The following CRTAP variants were observed in gnomAD, a reference collection of about 807,000 sequenced individuals.
CRTAP encodes the protein cartilage associated protein.
CRTAP carries 33 observed loss-of-function variants against 42.7 expected under a neutral mutation model. The observed-to-expected ratio is 0.77, with a 90% CI of 0.59 to 1.03. CRTAP has a LOEUF of 1.03. CRTAP is among the 50% of genes least tolerant of loss of function. CRTAP has a pLI of 0.00. For missense variants in CRTAP, 613 were observed against 533.9 expected (o/e 1.15, Z -1.46); for synonymous variants, 243 against 217.7 (o/e 1.12, Z -1.02).
In CRTAP at chr3:33,143,965, A is replaced by G. The variant is rs1255052732; in HGVS notation, c.*1517A>G. 1 of 152,284 alleles carries G rather than the reference A, an allele frequency of 6.6e-6. No individual in the cohort carries two copies. Among genetic ancestry groups the G allele is most frequent in the Non-Finnish European group, 1.5e-5 (1 of 68,138 alleles). 9.4% of individuals were successfully genotyped at this position (152,284 alleles called of 1,614,324 possible). A position where few individuals can be genotyped will look rare whatever the true frequency, so the allele number is the denominator to read the frequency against. On this transcript the variant is annotated 3_prime_UTR_variant, in exon 7 of 7. Transcript: ENST00000320954. Reference sequence around the variant, plus strand: ...GCTTCTGCTAAGTGAGATGGGAACCACTGGAGGGTTTGAACAGAGGAGTGC... The same window carrying G: ...GCTTCTGCTAAGTGAGATGGGAACCGCTGGAGGGTTTGAACAGAGGAGTGC...
At chr3:33,122,915 C>T (rs190094740) in intron 2 of CRTAP, among the ~76,000 whole-genome samples, 4 of 151,984 alleles carry the variant, frequency 2.6e-5, no homozygotes, top group Admixed American at 2.6e-4. Context: ...TCCAGGATCT[C>T]TACTTATTTC....
chr3:33,134,150 C>A (rs995836219), intron 5 of CRTAP, 32 bp from the exon 6 acceptor site: 2 of 1,488,232 alleles, frequency 1.3e-6, no homozygotes, highest in Non-Finnish European at 1.9e-6. Flanking sequence ...AAAGGTTGGT[C>A]CTATAAACTG....
intron 1 of CRTAP, among the ~76,000 whole-genome samples, chr3:33,117,332 A>G (rs970819964): frequency 6.6e-6 from 1 of 152,130 alleles, no homozygotes; most frequent in Non-Finnish European, 1.5e-5. Context: ...TGGAATAGCA[A>G]TGGTGGGTTC....
rs1196534876 is a variant in CRTAP, at chr3:33,114,128, G to C, written c.51G>C (p.Val17=). The change falls in exon 1 of 7, where the codon GTG becomes GTC. Residue 17 remains valine (V), a synonymous_variant. Transcript: ENST00000320954. ...GAAALLALLC[V]ACALRAGRAQ... ...CGGCGCTGCTAGCGCTGCTGTGCGT[G>C]GCCTGCGCGCTGCGCGCCGGGCGCG... 22 of 1,562,052 alleles carry C rather than the reference G, an allele frequency of 1.4e-5. No individual in the cohort carries two copies. The highest frequency in any genetic ancestry group is 2.4e-5 in the East Asian group (1 of 41,364).
At chr3:33,140,127 A>T (rs944107681) in intron 6 of CRTAP, among the ~76,000 whole-genome samples, 15 of 152,250 alleles carry the variant, frequency 9.9e-5, no homozygotes, top group Non-Finnish European at 2.2e-4. Flanking sequence ...AAAGCAAATC[A>T]TAGATACTAG....
At chr3:33,115,773 C>T (rs1053601888) in intron 1 of CRTAP, among the ~76,000 whole-genome samples, 2 of 150,614 alleles carry the variant, frequency 1.3e-5, no homozygotes, top group South Asian at 2.1e-4. Flanking sequence ...AGATTTCCAC[C>T]GAGACAGAGC....
intron 3 of CRTAP, among the ~76,000 whole-genome samples, 156 bp from the exon 4 acceptor site, chr3:33,129,783 C>A (rs940858073): frequency 6.6e-6 from 1 of 152,008 alleles, no homozygotes; most frequent in Non-Finnish European, 1.5e-5. Flanking sequence ...GTGATTCGCC[C>A]GCCTCAGCCT....
chr3:33,116,433 G>A (rs1701344499), intron 1 of CRTAP, among the ~76,000 whole-genome samples: 4 of 152,254 alleles, frequency 2.6e-5, no homozygotes, highest in East Asian at 3.9e-4. Context: ...ATCTCAGCTC[G>A]CTGCAACCTC....
intron 6 of CRTAP, among the ~76,000 whole-genome samples, chr3:33,139,003 G>T (rs2030500288): frequency 6.6e-6 from 1 of 152,160 alleles, no homozygotes; most frequent in Non-Finnish European, 1.5e-5. Context: ...AATTAGCTGG[G>T]CGTGGTGGCA....
Position 33,142,718 on chromosome 3 carries a change from G to A in CRTAP, c.*270G>A, listed in dbSNP as rs957813034. The A allele has an allele frequency of 5.3e-5, 22 of 415,138 alleles. No homozygotes were observed. The highest frequency in any genetic ancestry group is 2.0e-4 in the African/African-American group (10 of 49,724). 25.7% of individuals were successfully genotyped at this position (415,138 alleles called of 1,614,324 possible). ...TGCCCAGGCTGGAGTGCAATGGCAC[G>A]TTCTCAGCTCACTGCAACCTCCGCC... On this transcript the variant is annotated 3_prime_UTR_variant, in exon 7 of 7. Coordinates refer to ENST00000320954, the MANE Select transcript of CRTAP (RefSeq NM_006371.5).
At chr3:33,114,853 T>C (rs915099242) in intron 1 of CRTAP, among the ~76,000 whole-genome samples, 2 of 152,252 alleles carry the variant, frequency 1.3e-5, no homozygotes, top group Non-Finnish European at 2.9e-5. Flanking sequence ...AGACGCCTCT[T>C]TTCTGTATAT....
chr3:33,115,432 C>T (rs1198993523), intron 1 of CRTAP: 2 of 152,026 alleles, frequency 1.3e-5, no homozygotes, highest in Non-Finnish European at 2.9e-5. Context: ...TGCTTAAGTT[C>T]TCTCTGTGAT....
rs1186830498 is a variant in CRTAP at position 33,146,407 on chromosome 3, G to C, written c.*3959G>C. 6.6e-6 allele frequency: 1 copy of C among 152,298 alleles called. No individual in the cohort carries two copies. Among genetic ancestry groups the C allele is most frequent in the Non-Finnish European group, 1.5e-5 (1 of 68,122 alleles). 9.4% of individuals were successfully genotyped at this position (152,298 alleles called of 1,614,324 possible). A position where few individuals can be genotyped will look rare whatever the true frequency, so the allele number is the denominator to read the frequency against. On this transcript the variant is annotated 3_prime_UTR_variant, in exon 7 of 7. Coordinates refer to ENST00000320954, the MANE Select transcript of CRTAP (RefSeq NM_006371.5). Reference sequence around the variant, plus strand: ...CAAACAGGAGGCACCCGCTGGGAAGGGTCTAAAGATACTCCTTGTGGCCAC... The same window carrying C: ...CAAACAGGAGGCACCCGCTGGGAAGCGTCTAAAGATACTCCTTGTGGCCAC...
In CRTAP at chr3:33,126,476, C is replaced by T. The variant is rs2030076119; in HGVS notation, c.793+1897C>T. On this transcript the variant is annotated intron_variant, in intron 3 of 6. Transcript: ENST00000320954. Reference sequence around the variant, plus strand: ...CGGTAATTGGATGTAGAGGCTTGAACAGGCTCGGTTTGATTTTGTTTTAGG... The same window carrying T: ...CGGTAATTGGATGTAGAGGCTTGAATAGGCTCGGTTTGATTTTGTTTTAGG... 6.6e-6 allele frequency among the ~76,000 whole-genome samples: 1 copy of T among 152,148 alleles called. No individual in the cohort carries two copies. Among genetic ancestry groups the T allele is most frequent in the South Asian group, 2.1e-4 (1 of 4,824 alleles).
At chr3:33,117,735 A>G (rs1701361040) in intron 1 of CRTAP, among the ~76,000 whole-genome samples, 1 of 152,112 alleles carries the variant, frequency 6.6e-6, no homozygotes, top group South Asian at 2.1e-4. Flanking sequence ...TCAGGAACCC[A>G]AGGCAAGGTG....
At chr3:33,132,066 C>T (rs2030281971) in intron 4 of CRTAP, among the ~76,000 whole-genome samples, 1 of 151,998 alleles carries the variant, frequency 6.6e-6, no homozygotes, top group Non-Finnish European at 1.5e-5. Context: ...GGCGACTTTC[C>T]AAATCCCCTC....
chr3:33,142,078 G>A (rs893988342), intron 6 of CRTAP, among the ~76,000 whole-genome samples: 1 of 152,220 alleles, frequency 6.6e-6, no homozygotes, highest in Non-Finnish European at 1.5e-5. Flanking sequence ...CTGCACACAT[G>A]AGAGGGGAGG....
intron 1 of CRTAP, among the ~76,000 whole-genome samples, chr3:33,118,219 A>G (rs1444285560): frequency 6.7e-6 from 1 of 149,056 alleles, no homozygotes. Context: ...TCGACCTCCT[A>G]AAGTGCTGGG....
chr3:33,121,239 T>C (rs1417979741), intron 2 of CRTAP, among the ~76,000 whole-genome samples: 1 of 152,032 alleles, frequency 6.6e-6, no homozygotes, highest in South Asian at 2.1e-4. Context: ...TGAAACCCCG[T>C]CTCTACTAAA....
Sources: allele counts gnomAD v4.1 joint callset (sites outside exome capture counted in the v4.1 genomes callset), GRCh38; gene constraint gnomAD v4.1.1; transcripts MANE v1.5; gene names NCBI Gene and HGNC (gene_info 2026-07-23, HGNC 2026-07-21).